The following DGKI variants were observed in gnomAD, a reference collection of about 807,000 sequenced individuals.
DGKI encodes diacylglycerol kinase iota.
A neutral mutation model predicts 147.5 loss-of-function variants in DGKI; 55 were observed. The observed-to-expected ratio is 0.37, with a 90% confidence interval of 0.30 to 0.47. DGKI has a LOEUF of 0.47. Ranked by LOEUF, DGKI falls within the 20% of genes least tolerant of loss-of-function variation. The pLI is 1.00. For synonymous variants in DGKI, 469 were observed against 477.1 expected, an observed-to-expected ratio of 0.98 and a Z score of 0.22; for missense variants, 1,007 against 1,323.8, an observed-to-expected ratio of 0.76 and a Z score of 3.71.
intron 1 of DGKI, among the ~76,000 whole-genome samples, chr7:137,807,789 T>C (rs1797427862): frequency 6.6e-6 from 1 of 152,274 alleles, no homozygotes; most frequent in East Asian, 1.9e-4. Flanking sequence ...CTACTGTCCA[T>C]AAACACACTT....
chr7:137,828,154 C>A (rs1798113460), intron 1 of DGKI, among the ~76,000 whole-genome samples: 1 of 152,204 alleles, frequency 6.6e-6, no homozygotes, highest in African/African-American at 2.4e-5. Context: ...ACTCTTATTT[C>A]TCTTTTATTT....
At chr7:137,451,618 TATG>T (rs965753300) in intron 27 of DGKI, among the ~76,000 whole-genome samples, 2 of 152,204 alleles carry the variant, frequency 1.3e-5, no homozygotes, top group Non-Finnish European at 2.9e-5. Context: ...TTGCACCTCT[TATG>T]ATGTTTTATC....
intron 32 of DGKI, among the ~76,000 whole-genome samples, chr7:137,395,117 T>C (rs2128893525): frequency 6.6e-6 from 1 of 152,276 alleles, no homozygotes; most frequent in Admixed American, 6.5e-5. Flanking sequence ...TATGACCATC[T>C]CAAAGCCAGA....
intron 3 of DGKI, among the ~76,000 whole-genome samples, chr7:137,665,427 G>A (rs1822601413): frequency 6.6e-6 from 1 of 152,180 alleles, no homozygotes; most frequent in South Asian, 2.1e-4. Context: ...CAGCTTTGCT[G>A]TTCATGTGTA....
chr7:137,743,530 C>T (rs1021583502), intron 1 of DGKI, among the ~76,000 whole-genome samples: 3 of 152,124 alleles, frequency 2.0e-5, no homozygotes, highest in Non-Finnish European at 4.4e-5. Flanking sequence ...ACATGAATGA[C>T]TTTTGGGTAA....
intron 1 of DGKI, among the ~76,000 whole-genome samples, chr7:137,803,154 A>C (rs1351058045): frequency 6.6e-6 from 1 of 152,130 alleles, no homozygotes; most frequent in Non-Finnish European, 1.5e-5. Flanking sequence ...ACATTTGGAG[A>C]GAAGGGATGG....
intron 3 of DGKI, among the ~76,000 whole-genome samples, chr7:137,666,837 C>T (rs1187946499): frequency 1.3e-5 from 2 of 152,134 alleles, no homozygotes; most frequent in Non-Finnish European, 1.5e-5. Flanking sequence ...TGTTTCCCAC[C>T]CTGGCTCTCA....
At chr7:137,649,095 CTTAA>C (rs2129009719) in intron 5 of DGKI, among the ~76,000 whole-genome samples, 1 of 152,232 alleles carries the variant, frequency 6.6e-6, no homozygotes, top group East Asian at 1.9e-4. Flanking sequence ...TCTACTGCTG[CTTAA>C]TTATAGTTTG....
At chr7:137,443,540 T>C (rs1813594406) in intron 28 of DGKI, among the ~76,000 whole-genome samples, 1 of 152,230 alleles carries the variant, frequency 6.6e-6, no homozygotes, top group South Asian at 2.1e-4. Flanking sequence ...TGAGATATTT[T>C]CTCTTTTGAG....
rs1822674723 is a variant in DGKI at position 137,667,347 on chromosome 7, G to T, written c.607-10807C>A. 2.6e-5 allele frequency among the ~76,000 whole-genome samples: 4 copies of T among 152,002 alleles called. No individual in the cohort carries two copies. The South Asian group carries it at 8.3e-4, about 32-fold the overall frequency. On this transcript the variant is annotated intron_variant, in intron 3 of 32. Coordinates refer to ENST00000614521, the MANE Select transcript of DGKI (RefSeq NM_001321708.2). Reference sequence around the variant, plus strand: ...GTGAAGATGGGCTAGACATATTACAGAAGTCATAACAAAACAAGTTAATAG... The same window carrying T: ...GTGAAGATGGGCTAGACATATTACATAAGTCATAACAAAACAAGTTAATAG...
intron 12 of DGKI, among the ~76,000 whole-genome samples, chr7:137,592,292 A>G (rs1222210277): frequency 6.6e-6 from 1 of 152,150 alleles, no homozygotes; most frequent in Non-Finnish European, 1.5e-5. Flanking sequence ...CACTTGGTAT[A>G]TTTTCCACCA....
chr7:137,478,697 T>A (rs529440022), intron 23 of DGKI, among the ~76,000 whole-genome samples: 9 of 152,116 alleles, frequency 5.9e-5, no homozygotes, highest in Non-Finnish European at 1.2e-4. Context: ...TGAATTAGAC[T>A]TGGAAGGAAA....
chr7:137,541,908 T>G (rs1817715617), intron 20 of DGKI, among the ~76,000 whole-genome samples: 1 of 151,572 alleles, frequency 6.6e-6, no homozygotes, highest in African/African-American at 2.4e-5. Flanking sequence ...ATCATCTGGA[T>G]TCTGTCAAAA....
chr7:137,553,599 G>T (rs1201740417), intron 19 of DGKI, among the ~76,000 whole-genome samples: 1 of 151,972 alleles, frequency 6.6e-6, no homozygotes, highest in Non-Finnish European at 1.5e-5. Flanking sequence ...GGAAATAAAA[G>T]AAAAATCATA....
intron 18 of DGKI, 86 bp from the exon 19 acceptor site, chr7:137,571,372 T>A: frequency 1.1e-6 from 1 of 895,384 alleles, no homozygotes; most frequent in Non-Finnish European, 1.7e-6. Context: ...TTAGACCCAA[T>A]GTTTATCAAA....
chr7:137,702,805 T>C (rs545585923), intron 1 of DGKI, among the ~76,000 whole-genome samples: 21 of 152,330 alleles, frequency 1.4e-4, no homozygotes, highest in Non-Finnish European at 2.8e-4. Flanking sequence ...TTGTTTTTCT[T>C]CAACCTGGCT....
chr7:137,522,676 A>G (rs535403880), intron 20 of DGKI, among the ~76,000 whole-genome samples: 1 of 152,262 alleles, frequency 6.6e-6, no homozygotes, highest in African/African-American at 2.4e-5. Context: ...ATGGTGCAGC[A>G]CCAAACTTTC....
chr7:137,585,441 T>A (rs1819358240), intron 13 of DGKI, 95 bp from the exon 14 acceptor site: 1 of 1,446,412 alleles, frequency 6.9e-7, no homozygotes, highest in African/African-American at 1.4e-5. Context: ...CGTTATATTG[T>A]TTATTTTATA....
At chr7:137,585,984 G>A (rs1819379176) in intron 13 of DGKI, among the ~76,000 whole-genome samples, 1 of 152,198 alleles carries the variant, frequency 6.6e-6, no homozygotes, top group Non-Finnish European at 1.5e-5. Context: ...GTTGCCCCAT[G>A]TAAATACGTT....
Sources: allele counts gnomAD v4.1 joint callset (sites outside exome capture counted in the v4.1 genomes callset), GRCh38; gene constraint gnomAD v4.1.1; transcripts MANE v1.5; gene names NCBI Gene and HGNC (gene_info 2026-07-23, HGNC 2026-07-21).